The following GRM1 variants were observed in gnomAD, a reference collection of about 807,000 sequenced individuals.
GRM1 encodes the protein glutamate metabotropic receptor 1, also known as metabotropic glutamate receptor 1.
In GRM1, 33 loss-of-function variants were observed where a neutral mutation model predicts 90.9. The ratio of observed to expected loss-of-function variants is 0.36; its 90% CI spans 0.28 to 0.49. The LOEUF (loss-of-function observed/expected upper bound fraction) is 0.49, where lower values mean the gene tolerates loss of function less well. Among genes scored for constraint, GRM1 ranks in the 20% least tolerant of loss-of-function variants. The probability of loss-of-function intolerance (pLI) is 0.99; values close to 1 mark genes in which losing one functional copy is unlikely to be tolerated. For synonymous variants in GRM1, 700 were observed against 613.2 expected, an observed-to-expected ratio of 1.14 and a Z score of -2.09; for missense variants, 1,190 against 1,534.3, an observed-to-expected ratio of 0.78 and a Z score of 3.75.
chr6:146,051,153 A>C (rs1398271470), intron 1 of GRM1, among the ~76,000 whole-genome samples: 1 of 152,016 alleles, frequency 6.6e-6, no homozygotes, highest in African/African-American at 2.4e-5. Flanking sequence ...GTGTGACTTT[A>C]GGTGAGTCAC....
chr6:146,414,726 T>C (rs920727933), intron 7 of GRM1, among the ~76,000 whole-genome samples: 2 of 152,230 alleles, frequency 1.3e-5, no homozygotes, highest in African/African-American at 2.4e-5. Flanking sequence ...AATCGTATAA[T>C]CTGGATTTGA....
intron 1 of GRM1, among the ~76,000 whole-genome samples, chr6:146,143,188 C>A (rs1208638049): frequency 6.6e-6 from 1 of 152,222 alleles, no homozygotes; most frequent in African/African-American, 2.4e-5. Context: ...ACATTTACTT[C>A]AAGAGGTCCT....
chr6:146,370,970 C>T (rs1775875125), intron 5 of GRM1, among the ~76,000 whole-genome samples: 1 of 152,088 alleles, frequency 6.6e-6, no homozygotes, highest in Non-Finnish European at 1.5e-5. Flanking sequence ...TGTAGTCCTA[C>T]ATTGTATGAT....
intron 3 of GRM1, among the ~76,000 whole-genome samples, chr6:146,307,695 TTC>T (rs1255557457): frequency 6.6e-6 from 1 of 152,204 alleles, no homozygotes; most frequent in East Asian, 1.9e-4. Flanking sequence ...TAGCTACTGT[TTC>T]TGTCACTCCT....
intron 1 of GRM1, among the ~76,000 whole-genome samples, chr6:146,030,523 G>C (rs1005407684): frequency 6.6e-6 from 1 of 152,176 alleles, no homozygotes; most frequent in Non-Finnish European, 1.5e-5. Flanking sequence ...TTGAGTTTGC[G>C]TTTGGAAGGC....
chr6:146,233,921 T>G (rs1330184369), intron 2 of GRM1, among the ~76,000 whole-genome samples: 1 of 152,088 alleles, frequency 6.6e-6, no homozygotes, highest in African/African-American at 2.4e-5. Flanking sequence ...TGGGCATAAA[T>G]TTGTTAATTT....
chr6:146,082,014 A>G lies in GRM1; in HGVS notation c.700+51797A>G, dbSNP rs145171674. Among the ~76,000 whole-genome samples, 1,178 of 152,320 alleles carry G rather than the reference A, an allele frequency of 7.7e-3. 17 individuals are homozygous for G. The highest frequency in any genetic ancestry group is 0.026 in the African/African-American group (1,092 of 41,568). On this transcript the variant is annotated intron_variant, in intron 1 of 7. Coordinates refer to ENST00000282753, the MANE Select transcript of GRM1 (RefSeq NM_001278064.2). ...GTTAAAGTTAGTTCTTAGGAAGAAC[A>G]TATGCTGAAATGCAGGCATCAAGAA...
At chr6:146,079,719 G>A (rs148619298) in intron 1 of GRM1, among the ~76,000 whole-genome samples, 85 of 152,264 alleles carry the variant, frequency 5.6e-4, no homozygotes, top group African/African-American at 2.0e-3. Context: ...AAAGAGCCTT[G>A]TCTTTTCAAT....
chr6:146,264,188 A>T (rs1437515022), intron 2 of GRM1, among the ~76,000 whole-genome samples: 1 of 152,138 alleles, frequency 6.6e-6, no homozygotes, highest in African/African-American at 2.4e-5. Context: ...AAATACATTC[A>T]GTTTGAGGAC....
At chr6:146,405,234 C>T (rs1777304331) in intron 7 of GRM1, among the ~76,000 whole-genome samples, 1 of 152,022 alleles carries the variant, frequency 6.6e-6, no homozygotes. Flanking sequence ...TAGGCCAGAC[C>T]TCTAGATTTG....
At chr6:146,096,367 G>A (rs1776873808) in intron 1 of GRM1, among the ~76,000 whole-genome samples, 1 of 152,082 alleles carries the variant, frequency 6.6e-6, no homozygotes, top group African/African-American at 2.4e-5. Context: ...ATCCAATGGA[G>A]CCTAAGTAAG....
At chr6:146,274,399 T>C (rs1396670823) in intron 2 of GRM1, among the ~76,000 whole-genome samples, 1 of 152,212 alleles carries the variant, frequency 6.6e-6, no homozygotes, top group Non-Finnish European at 1.5e-5. Flanking sequence ...ATCACCTCCA[T>C]ACCGTGAAGA....
intron 2 of GRM1, among the ~76,000 whole-genome samples, chr6:146,267,674 TGGG>T (rs1562568608): frequency 0.011 from 1,102 of 96,692 alleles, 29 homozygotes; most frequent in African/African-American, 0.037. Flanking sequence ...TGGGCTGGGC[TGGG>T]CTGGGCTCGG....
At chr6:146,300,589 G>A (rs567827976) in intron 2 of GRM1, among the ~76,000 whole-genome samples, 2 of 152,304 alleles carry the variant, frequency 1.3e-5, no homozygotes, top group South Asian at 4.1e-4. Context: ...CTGTTAAACA[G>A]TTCACAATAT....
intron 1 of GRM1, among the ~76,000 whole-genome samples, chr6:146,133,223 G>T (rs1445665513): frequency 6.6e-6 from 1 of 152,186 alleles, no homozygotes; most frequent in Non-Finnish European, 1.5e-5. Context: ...TCCTACAACT[G>T]ACTCACTCTG....
intron 3 of GRM1, among the ~76,000 whole-genome samples, chr6:146,333,311 C>T (rs1342811005): frequency 1.3e-5 from 2 of 152,084 alleles, no homozygotes; most frequent in African/African-American, 4.8e-5. Flanking sequence ...GGGTGAACTC[C>T]TAAAGGACCA....
At chr6:146,386,820 A>C in intron 5 of GRM1, 70 bp from the exon 6 acceptor site, 1 of 1,210,748 alleles carries the variant, frequency 8.3e-7, no homozygotes. Context: ...TCTGAAAACA[A>C]ATCCTCATCT....
intron 1 of GRM1, among the ~76,000 whole-genome samples, chr6:146,041,903 C>T (rs1358563683): frequency 1.3e-5 from 2 of 151,944 alleles, no homozygotes; most frequent in African/African-American, 2.4e-5. Flanking sequence ...TTTGGAGAAA[C>T]TGGCATGTCC....
intron 1 of GRM1, among the ~76,000 whole-genome samples, chr6:146,141,307 A>G (rs1583061944): frequency 6.7e-6 from 1 of 148,820 alleles, no homozygotes; most frequent in Non-Finnish European, 1.5e-5. Flanking sequence ...TGCTGCTTCT[A>G]AGATTTTTTT....
Sources: gnomAD v4.1 joint callset for allele counts (sites outside exome capture counted in the v4.1 genomes callset) on GRCh38, gnomAD v4.1.1 for gene constraint, MANE v1.5 for transcripts, NCBI Gene and HGNC (gene_info 2026-07-23, HGNC 2026-07-21) for gene names.